SNX9: variants seen among roughly 807,000 people sequenced by gnomAD.
The protein encoded by SNX9 is sorting nexin 9, also known as sorting nexin-9.
Under a neutral mutation model 89.4 loss-of-function variants are expected in SNX9, and 44 were observed. That is an observed-to-expected ratio of 0.49 (90% CI 0.39 to 0.63). SNX9 has a LOEUF of 0.63. Ranked by LOEUF, SNX9 falls within the 30% of genes least tolerant of loss-of-function variation. The probability of loss-of-function intolerance (pLI) is 0.00; values close to 1 mark genes in which losing one functional copy is unlikely to be tolerated. For synonymous variants in SNX9, 236 were observed against 247.8 expected (o/e 0.95, Z 0.45); for missense variants, 578 against 736.1 (o/e 0.79, Z 2.49).
At chr6:157,907,904 G>A (rs987305297) in intron 7 of SNX9, among the ~76,000 whole-genome samples, 2 of 152,222 alleles carry the variant, frequency 1.3e-5, no homozygotes, top group East Asian at 1.9e-4. Context: ...GGGAGGTCCC[G>A]AAAGTCATCT....
chr6:157,825,786 G>A (rs376563318), intron 1 of SNX9, among the ~76,000 whole-genome samples: 1 of 152,032 alleles, frequency 6.6e-6, no homozygotes, highest in African/African-American at 2.4e-5. Context: ...ATTGTTCCCA[G>A]AGAGTCAAGT....
chr6:157,891,347 A>G (rs1170470280), intron 4 of SNX9, among the ~76,000 whole-genome samples: 1 of 152,006 alleles, frequency 6.6e-6, no homozygotes, highest in Non-Finnish European at 1.5e-5. Flanking sequence ...TTTTTTCTGT[A>G]GTCACATGCT....
intron 2 of SNX9, among the ~76,000 whole-genome samples, chr6:157,870,642 C>T (rs1358263387): frequency 1.4e-5 from 2 of 146,778 alleles, no homozygotes; most frequent in Non-Finnish European, 3.0e-5. Context: ...CCACACTCTC[C>T]TGCTCTCACA....
intron 4 of SNX9, among the ~76,000 whole-genome samples, chr6:157,882,403 C>T (rs1162009170): frequency 6.6e-6 from 1 of 152,234 alleles, no homozygotes; most frequent in African/African-American, 2.4e-5. Context: ...CCTGCTAATA[C>T]AGCACTTATT....
chr6:157,872,690 G>A (rs9365534), intron 2 of SNX9: 19,288 of 155,274 alleles, frequency 0.12, 1,965 homozygotes, highest in African/African-American at 0.28. Context: ...TTGAGGCAAG[G>A]TTCTGGATTC....
chr6:157,901,834 A>G, intron 5 of SNX9, 64 bp from the exon 6 acceptor site: 1 of 1,555,306 alleles, frequency 6.4e-7, no homozygotes, highest in African/African-American at 1.4e-5. Context: ...AAAATTAAGT[A>G]ATTTCATTTT....
intron 1 of SNX9, among the ~76,000 whole-genome samples, chr6:157,861,991 A>T (rs1782138641): frequency 6.6e-6 from 1 of 152,118 alleles, no homozygotes; most frequent in African/African-American, 2.4e-5. Flanking sequence ...TGGTGTAGAG[A>T]TGCTGGACAA....
intron 12 of SNX9, among the ~76,000 whole-genome samples, chr6:157,931,286 T>TG (rs140329086): frequency 0.096 from 14,659 of 152,292 alleles, 752 homozygotes; most frequent in African/African-American, 0.12. Flanking sequence ...GCTCGTGTAA[T>TG]TTGGATTCAT....
At position 157,944,756 on chromosome 6, in the gene SNX9, A is replaced by G. The variant is rs923186202; in HGVS notation, c.*1918A>G. 1 of 152,190 alleles carries G rather than the reference A, an allele frequency of 6.6e-6. No homozygotes were observed. Among genetic ancestry groups the G allele is most frequent in the Non-Finnish European group, 1.5e-5 (1 of 68,048 alleles). The allele number at this position is 152,190 out of a possible 1,614,324, so 9.4% of individuals were successfully genotyped here. On this transcript the variant is annotated 3_prime_UTR_variant, in exon 18 of 18. Transcript: ENST00000392185. ...CAGTCTCCCAGTGTCTGACTCTCGG[A>G]TATTTGGATTTGACTGGTGTGAGGC...
At chr6:157,864,162 C>T (rs1040950044) in intron 1 of SNX9, among the ~76,000 whole-genome samples, 3 of 152,130 alleles carry the variant, frequency 2.0e-5, no homozygotes, top group African/African-American at 7.2e-5. Context: ...TCCAAGATGG[C>T]GCCTTGAGTG....
At chr6:157,887,752 T>G (rs1352002855) in intron 4 of SNX9, among the ~76,000 whole-genome samples, 2 of 152,204 alleles carry the variant, frequency 1.3e-5, no homozygotes, top group African/African-American at 4.8e-5. Flanking sequence ...ATTAACTGAT[T>G]TTCAACTCCA....
chr6:157,892,064 AG>A (rs1337159243), intron 4 of SNX9, among the ~76,000 whole-genome samples: 1 of 152,128 alleles, frequency 6.6e-6, no homozygotes, highest in Non-Finnish European at 1.5e-5. Flanking sequence ...TTGCAAAATA[AG>A]GAGTGGGAAG....
chr6:157,880,141 A>G (rs1271259303), intron 4 of SNX9, among the ~76,000 whole-genome samples: 1 of 152,136 alleles, frequency 6.6e-6, no homozygotes, highest in East Asian at 1.9e-4. Flanking sequence ...GAAGCATGTA[A>G]GCTTTGCTGT....
chr6:157,839,301 G>A (rs897731192), intron 1 of SNX9, among the ~76,000 whole-genome samples: 1 of 152,038 alleles, frequency 6.6e-6, no homozygotes, highest in African/African-American at 2.4e-5. Flanking sequence ...CCCTATTAGT[G>A]TTTTGTTTCT....
At chr6:157,914,469 C>CTTTTTTTTTTTT (rs34419515) in intron 9 of SNX9, among the ~76,000 whole-genome samples, 152 of 75,066 alleles carry the variant, frequency 2.0e-3, no homozygotes, top group South Asian at 3.4e-3. Flanking sequence ...TTTTCTTTTT[C>CTTTTTTTTTTTT]TTTTTTTTTT....
intron 1 of SNX9, among the ~76,000 whole-genome samples, chr6:157,845,130 C>T (rs1323463581): frequency 7.6e-6 from 1 of 132,236 alleles, no homozygotes; most frequent in African/African-American, 3.0e-5. Context: ...TTTTTTAAGA[C>T]GGAGTTCCGC....
At chr6:157,920,264 A>C (rs995710848) in intron 9 of SNX9, among the ~76,000 whole-genome samples, 5 of 152,124 alleles carry the variant, frequency 3.3e-5, no homozygotes, top group African/African-American at 7.2e-5. Flanking sequence ...TCTGGTCTCC[A>C]ATGTGTATGC....
chr6:157,839,345 A>T (rs73573819), intron 1 of SNX9, among the ~76,000 whole-genome samples: 3,129 of 152,306 alleles, frequency 0.021, 100 homozygotes, highest in African/African-American at 0.072. Context: ...AAGAGAAATT[A>T]TGTCTTTTAT....
chr6:157,868,955 T>C (rs549126729), intron 2 of SNX9, among the ~76,000 whole-genome samples: 1 of 152,324 alleles, frequency 6.6e-6, no homozygotes, highest in African/African-American at 2.4e-5. Flanking sequence ...CTGTGTCCTC[T>C]CCCTCGTGAC....
Sources: gnomAD v4.1 joint callset for allele counts (sites outside exome capture counted in the v4.1 genomes callset) on GRCh38, gnomAD v4.1.1 for gene constraint, MANE v1.5 for transcripts, NCBI Gene and HGNC (gene_info 2026-07-23, HGNC 2026-07-21) for gene names.